METTL16: variants seen among roughly 807,000 people sequenced by gnomAD.
METTL16 encodes the protein methyltransferase 16, RNA N6-adenosine, also known as RNA N(6)-adenosine-methyltransferase METTL16.
METTL16 carries 19 observed loss-of-function variants against 57.9 expected under a neutral mutation model. That is an observed-to-expected ratio of 0.33 (90% CI 0.23 to 0.48). The LOEUF (loss-of-function observed/expected upper bound fraction) is 0.48, where lower values mean the gene tolerates loss of function less well. Among genes scored for constraint, METTL16 ranks in the 20% least tolerant of loss-of-function variants. The probability of loss-of-function intolerance (pLI) is 0.99; values close to 1 mark genes in which losing one functional copy is unlikely to be tolerated. For synonymous variants in METTL16, 246 were observed against 255.6 expected (o/e 0.96, Z 0.36); for missense variants, 434 against 691.5 (o/e 0.63, Z 4.18).
At chr17:2,463,231 G>A (rs1397206304) in intron 6 of METTL16, among the ~76,000 whole-genome samples, 2 of 152,152 alleles carry the variant, frequency 1.3e-5, no homozygotes, top group Non-Finnish European at 2.9e-5. Flanking sequence ...TGGTTCATGG[G>A]ACAGAACTGA....
At chr17:2,500,789 T>C (rs1225290741) in intron 2 of METTL16, among the ~76,000 whole-genome samples, 1 of 152,120 alleles carries the variant, frequency 6.6e-6, no homozygotes, top group Non-Finnish European at 1.5e-5. Flanking sequence ...AATTTTGCCA[T>C]TTCCTGAAAC....
chr17:2,493,232 G>A (rs1197119146), intron 2 of METTL16, among the ~76,000 whole-genome samples: 1 of 150,570 alleles, frequency 6.6e-6, no homozygotes, highest in Non-Finnish European at 1.5e-5. Flanking sequence ...GGGATTAGAG[G>A]TGCGTGCCAC....
At chr17:2,429,850 G>T (rs564199989) in intron 8 of METTL16, among the ~76,000 whole-genome samples, 4 of 150,368 alleles carry the variant, frequency 2.7e-5, no homozygotes, top group African/African-American at 9.8e-5. Context: ...TCGCTCTGTC[G>T]CCCAGGCTGG....
intron 5 of METTL16, among the ~76,000 whole-genome samples, chr17:2,466,546 A>G (rs1181032911): frequency 2.0e-5 from 3 of 152,174 alleles, no homozygotes; most frequent in Non-Finnish European, 4.4e-5. Flanking sequence ...CGTTAAGTCA[A>G]TCTAAATTGG....
At chr17:2,425,510 A>G (rs1394948256) in intron 8 of METTL16, among the ~76,000 whole-genome samples, 1 of 152,218 alleles carries the variant, frequency 6.6e-6, no homozygotes, top group Non-Finnish European at 1.5e-5. Flanking sequence ...CACAGGTTTT[A>G]TATCTTTTGA....
intron 2 of METTL16, among the ~76,000 whole-genome samples, chr17:2,487,737 C>T (rs1279977284): frequency 2.6e-5 from 4 of 152,170 alleles, no homozygotes; most frequent in Admixed American, 1.3e-4. Flanking sequence ...AGTGTGGAAG[C>T]TCACACCTGT....
intron 8 of METTL16, among the ~76,000 whole-genome samples, chr17:2,431,080 G>A (rs2066870785): frequency 1.3e-5 from 2 of 152,060 alleles, no homozygotes; most frequent in Admixed American, 1.3e-4. Flanking sequence ...CAACTAGCTG[G>A]GATTACAGGA....
rs1567886684 is a variant in METTL16 at position 2,441,580 on chromosome 17, CAAGTA to C, written c.729-26_729-22del. On this transcript the variant is annotated intron_variant, in intron 6 of 9. Transcript: ENST00000263092. ...ACCATCTAGGAAAAAAAAAATCAGA[CAAGTA>C]AATACGGTTTATGTGGTTAAAATTT... 4 of 1,508,938 alleles carry C rather than the reference CAAGTA, an allele frequency of 2.7e-6. No homozygotes were observed. In the East Asian group the frequency reaches 9.4e-5, roughly 36 times the overall value. The allele number at this position is 1,508,938 out of a possible 1,614,324, so 93.5% of individuals were successfully genotyped here. A position where few individuals can be genotyped will look rare whatever the true frequency, so the allele number is the denominator to read the frequency against.
intron 7 of METTL16, among the ~76,000 whole-genome samples, chr17:2,441,172 C>T (rs2151550287): frequency 6.6e-6 from 1 of 152,054 alleles, no homozygotes; most frequent in African/African-American, 2.4e-5. Context: ...GAACTGGAGG[C>T]CATTATCTTA....
At chr17:2,435,270 G>C (rs1394805322) in intron 8 of METTL16, among the ~76,000 whole-genome samples, 3 of 152,140 alleles carry the variant, frequency 2.0e-5, no homozygotes, top group Admixed American at 6.5e-5. Context: ...AGTTGCCATA[G>C]TAACTTGCAC....
intron 6 of METTL16, 25 bp downstream of exon 6, chr17:2,464,183 C>T: frequency 6.2e-7 from 1 of 1,603,170 alleles, no homozygotes; most frequent in South Asian, 1.1e-5. Flanking sequence ...TAAAGATGGA[C>T]TCTATGTTGT....
intron 8 of METTL16, among the ~76,000 whole-genome samples, chr17:2,437,092 G>C (rs188563429): frequency 6.6e-6 from 1 of 152,066 alleles, no homozygotes; most frequent in Non-Finnish European, 1.5e-5. Flanking sequence ...ATGTTGCCTA[G>C]GCTGGTTTCG....
intron 3 of METTL16, 103 bp from the exon 4 acceptor site, chr17:2,473,767 C>G: frequency 7.3e-6 from 9 of 1,233,854 alleles, no homozygotes; most frequent in African/African-American, 1.5e-5. Context: ...CAGACAGGGT[C>G]TCACTCTGTC....
chr17:2,507,827 C>T (rs561111285), intron 1 of METTL16, among the ~76,000 whole-genome samples: 1 of 152,080 alleles, frequency 6.6e-6, no homozygotes, highest in Admixed American at 6.5e-5. Context: ...GTGACCTTAC[C>T]CCCAACCCTG....
intron 6 of METTL16, among the ~76,000 whole-genome samples, chr17:2,457,205 A>G (rs892909658): frequency 9.3e-5 from 14 of 151,198 alleles, no homozygotes; most frequent in South Asian, 2.1e-4. Context: ...GGGCGTGGTG[A>G]CGGGCGCCTG....
chr17:2,496,946 C>G (rs1287648437), intron 2 of METTL16, among the ~76,000 whole-genome samples: 1 of 151,690 alleles, frequency 6.6e-6, no homozygotes, highest in Non-Finnish European at 1.5e-5. Context: ...AATTTCTGTT[C>G]TTCATAAATT....
At chr17:2,456,008 T>TTAAAA (rs1182789911) in intron 6 of METTL16, among the ~76,000 whole-genome samples, 4 of 150,712 alleles carry the variant, frequency 2.7e-5, no homozygotes, top group Non-Finnish European at 5.9e-5. Flanking sequence ...AATTAATTAA[T>TTAAAA]TAAAATAAAA....
chr17:2,475,840 G>T (rs954004719), intron 3 of METTL16, among the ~76,000 whole-genome samples: 2 of 152,182 alleles, frequency 1.3e-5, no homozygotes, highest in African/African-American at 4.8e-5. Flanking sequence ...CCCTTGTGAA[G>T]AATTGAAATC....
intron 1 of METTL16, 143 bp from the exon 2 acceptor site, chr17:2,502,474 A>T: frequency 1.5e-6 from 1 of 646,468 alleles, no homozygotes; most frequent in Non-Finnish European, 2.6e-6. Flanking sequence ...GTTCAAGACC[A>T]TCCCATCCTG....
Sources: allele counts gnomAD v4.1 joint callset (sites outside exome capture counted in the v4.1 genomes callset), GRCh38; gene constraint gnomAD v4.1.1; transcripts MANE v1.5; gene names NCBI Gene and HGNC (gene_info 2026-07-23, HGNC 2026-07-21).